HDAC9: variants seen among roughly 807,000 people sequenced by gnomAD.
The protein encoded by HDAC9 is histone deacetylase 9, also known as MEF-2 interacting transcription repressor (MITR) protein.
Under a neutral mutation model 139.4 loss-of-function variants are expected in HDAC9, and 41 were observed. The ratio of observed to expected loss-of-function variants is 0.29; its 90% confidence interval spans 0.23 to 0.38. HDAC9 has a LOEUF of 0.38. Ranked by LOEUF, HDAC9 falls within the 10% of genes least tolerant of loss-of-function variation. HDAC9 has a pLI of 1.00. For synonymous variants in HDAC9, 517 were observed against 476.2 expected, an observed-to-expected ratio of 1.09 and a Z score of -1.12; for missense variants, 1,147 against 1,297.0, an observed-to-expected ratio of 0.88 and a Z score of 1.78.
Position 18,401,163 on chromosome 7 carries a change from A to G in HDAC9, c.-41-95099A>G, listed in dbSNP as rs118137584. Among the ~76,000 whole-genome samples the G allele has an allele frequency of 8.8e-3, 1,337 of 152,286 alleles. 8 individuals carry two copies. The highest frequency in any genetic ancestry group is 0.015 in the Non-Finnish European group (1,038 of 68,014). On this transcript the variant is annotated intron_variant, in intron 1 of 3. Transcript: ENST00000413509. ...AAAGTGCTTTTAGTTGGTATTTTTA[A>G]TGAAGTGTTATCCACTTAAAGTGTG...
chr7:18,704,380 G>A (rs1783726211), intron 12 of HDAC9, among the ~76,000 whole-genome samples: 1 of 152,142 alleles, frequency 6.6e-6, no homozygotes, highest in African/African-American at 2.4e-5. Flanking sequence ...GTGACTTTAA[G>A]CATCAGCATT....
intron 2 of HDAC9, among the ~76,000 whole-genome samples, chr7:18,200,672 A>T (rs1469869953): frequency 1.3e-5 from 2 of 152,180 alleles, no homozygotes; most frequent in African/African-American, 2.4e-5. Context: ...ATTATGAATG[A>T]TATTTCTAAG....
At chr7:18,831,883 C>G (rs374618282) in intron 19 of HDAC9, among the ~76,000 whole-genome samples, 1 of 152,138 alleles carries the variant, frequency 6.6e-6, no homozygotes, top group African/African-American at 2.4e-5. Flanking sequence ...CAAATTACAG[C>G]GCCAATAGAT....
intron 22 of HDAC9, among the ~76,000 whole-genome samples, chr7:18,881,989 G>A (rs12113191): frequency 0.059 from 8,990 of 152,068 alleles, 638 homozygotes; most frequent in African/African-American, 0.16. Flanking sequence ...TTAATTCTTC[G>A]AAGTATTGTC....
chr7:18,898,524 TG>T (rs1174890626), intron 22 of HDAC9, among the ~76,000 whole-genome samples: 1 of 151,916 alleles, frequency 6.6e-6, no homozygotes, highest in East Asian at 1.9e-4. Flanking sequence ...GCGTTTCCTT[TG>T]ACCACAAAAT....
chr7:18,189,490 A>G (rs1224226093), intron 2 of HDAC9, among the ~76,000 whole-genome samples: 4 of 152,150 alleles, frequency 2.6e-5, no homozygotes, highest in Non-Finnish European at 5.9e-5. Context: ...TAGAAGAAAT[A>G]AAGAAAAAAA....
At chr7:18,580,631 G>C (rs535555853) in intron 2 of HDAC9, among the ~76,000 whole-genome samples, 3 of 152,104 alleles carry the variant, frequency 2.0e-5, no homozygotes, top group Non-Finnish European at 4.4e-5. Context: ...AATATTTGCT[G>C]TCATCAGATT....
chr7:18,761,845 C>G (rs1789419889), intron 14 of HDAC9, among the ~76,000 whole-genome samples: 1 of 152,052 alleles, frequency 6.6e-6, no homozygotes, highest in South Asian at 2.1e-4. Context: ...AATAGTAGCC[C>G]TGTTGGTTTT....
At chr7:18,698,743 A>G (rs1293481581) in intron 12 of HDAC9, among the ~76,000 whole-genome samples, 1 of 152,230 alleles carries the variant, frequency 6.6e-6, no homozygotes, top group East Asian at 1.9e-4. Flanking sequence ...GAAAGGTCAC[A>G]GTGGTCTGTA....
chr7:18,590,511 G>C lies in HDAC9; in HGVS notation c.415+25G>C, dbSNP rs186063015. On this transcript the variant is annotated intron_variant, in intron 4 of 25. Coordinates refer to ENST00000686413, the MANE Select transcript of HDAC9 (RefSeq NM_178425.4). The stretch of plus-strand genomic sequence containing the variant: ...AGTAAGAGGCACCAGGGTAAACGAT[G>C]GACTCTCTTTCCTCATCGTTAGCTG... 1.4e-3 allele frequency: 2,221 copies of C among 1,577,854 alleles called. 6 individuals carry two copies. The highest frequency in any genetic ancestry group is 1.7e-3 in the Non-Finnish European group (1,959 of 1,161,440).
intron 12 of HDAC9, among the ~76,000 whole-genome samples, chr7:18,704,131 G>A (rs1055411349): frequency 3.9e-5 from 6 of 152,168 alleles, no homozygotes; most frequent in African/African-American, 1.4e-4. Context: ...AATGTTCTTG[G>A]TATAATCAGG....
intron 22 of HDAC9, among the ~76,000 whole-genome samples, chr7:18,895,327 A>G (rs1358216789): frequency 6.6e-6 from 1 of 152,136 alleles, no homozygotes; most frequent in Non-Finnish European, 1.5e-5. Flanking sequence ...GTTTAAAAGG[A>G]AAGTGAGACA....
chr7:18,107,182 C>T (rs891084903), intron 1 of HDAC9, among the ~76,000 whole-genome samples: 10 of 151,362 alleles, frequency 6.6e-5, no homozygotes, highest in Non-Finnish European at 1.0e-4. Context: ...AGGGTGTTTG[C>T]GCTTCCCAAA....
At chr7:18,929,949 AT>A (rs1443990405) in intron 22 of HDAC9, among the ~76,000 whole-genome samples, 8 of 151,608 alleles carry the variant, frequency 5.3e-5, no homozygotes, top group African/African-American at 7.3e-5. Context: ...AAAAAAAAAA[AT>A]ATCTGAAACA....
At chr7:18,218,728 T>C (rs1250756524) in intron 2 of HDAC9, among the ~76,000 whole-genome samples, 2 of 152,320 alleles carry the variant, frequency 1.3e-5, no homozygotes, top group Non-Finnish European at 2.9e-5. Flanking sequence ...TATTATGAAA[T>C]AGTGTTCTAA....
intron 21 of HDAC9, among the ~76,000 whole-genome samples, chr7:18,856,505 TG>T (rs2129228349): frequency 1.3e-5 from 2 of 152,290 alleles, no homozygotes; most frequent in South Asian, 4.1e-4. Context: ...TTATAAACTA[TG>T]TAGGTAGAAC....
intron 2 of HDAC9, among the ~76,000 whole-genome samples, chr7:18,260,299 A>G (rs1393405249): frequency 7.0e-6 from 1 of 141,880 alleles, no homozygotes; most frequent in East Asian, 2.1e-4. Context: ...TCTGTGACAG[A>G]CACTTTTTTT....
chr7:18,485,618 T>C (rs556660342), intron 1 of HDAC9, among the ~76,000 whole-genome samples: 1 of 151,910 alleles, frequency 6.6e-6, no homozygotes, highest in East Asian at 1.9e-4. Context: ...AGTTCTAATT[T>C]ATGTATTAAT....
intron 12 of HDAC9, among the ~76,000 whole-genome samples, chr7:18,722,389 TTATC>T (rs1268196047): frequency 6.6e-6 from 1 of 152,214 alleles, no homozygotes; most frequent in Non-Finnish European, 1.5e-5. Flanking sequence ...ACTTGGGTAT[TTATC>T]TAATTTTTAT....
Sources: allele counts gnomAD v4.1 joint callset (sites outside exome capture counted in the v4.1 genomes callset), GRCh38; gene constraint gnomAD v4.1.1; transcripts MANE v1.5; gene names NCBI Gene and HGNC (gene_info 2026-07-23, HGNC 2026-07-21).